IL1RAPL1: variants seen among roughly 807,000 people sequenced by gnomAD.
The protein encoded by IL1RAPL1 is interleukin-1 receptor accessory protein-like 1.
A neutral mutation model predicts 48.4 loss-of-function variants in IL1RAPL1; 3 were observed. That is an observed-to-expected ratio of 0.06 (90% CI 0.03 to 0.16). The LOEUF is 0.16. IL1RAPL1 is among the 10% of genes least tolerant of loss of function. The pLI is 1.00. For missense variants in IL1RAPL1, 349 were observed against 530.6 expected (o/e 0.66, Z 3.36); for synonymous variants, 185 against 187.7 (o/e 0.99, Z 0.12).
At chrX:29,782,041 A>C (rs749854990) in intron 6 of IL1RAPL1, among the ~76,000 whole-genome samples, 3 of 111,057 alleles carry the variant, frequency 2.7e-5, no homozygotes, top group South Asian at 3.8e-4. Flanking sequence ...AAAGAGCTGA[A>C]TGAAACATTT....
At chrX:29,808,571 T>C (rs1419273617) in intron 6 of IL1RAPL1, among the ~76,000 whole-genome samples, 4 of 111,767 alleles carry the variant, frequency 3.6e-5, no homozygotes, top group Non-Finnish European at 7.5e-5. Context: ...TCAAATCTTA[T>C]GTATGGTACT....
chrX:28,790,435 T>C (rs1473549337), intron 2 of IL1RAPL1, among the ~76,000 whole-genome samples: 1 of 112,752 alleles, frequency 8.9e-6, no homozygotes, highest in Non-Finnish European at 1.9e-5. Flanking sequence ...TTTGATGATA[T>C]AACGAAAAAG....
intron 2 of IL1RAPL1, among the ~76,000 whole-genome samples, chrX:29,149,358 G>T (rs1929415200): frequency 9.0e-6 from 1 of 110,858 alleles, no homozygotes; most frequent in African/African-American, 3.3e-5. Context: ...GATATAAAGT[G>T]GATAACATCA....
chrX:28,979,024 TTCTAACAACA>T (rs1025566105), intron 2 of IL1RAPL1, among the ~76,000 whole-genome samples: 1 of 111,690 alleles, frequency 9.0e-6, no homozygotes, highest in Non-Finnish European at 1.9e-5. Flanking sequence ...ATAACTGAGT[TTCTAACAACA>T]TCTATCGTAT....
intron 5 of IL1RAPL1, among the ~76,000 whole-genome samples, chrX:29,519,850 G>T (rs1378665494): frequency 9.0e-6 from 1 of 111,553 alleles, no homozygotes; most frequent in Non-Finnish European, 1.9e-5. Context: ...GAGGTCCCCA[G>T]CAGGGTTGAT....
At chrX:29,170,377 AAGAC>A (rs1382910627) in intron 2 of IL1RAPL1, among the ~76,000 whole-genome samples, 2 of 111,914 alleles carry the variant, frequency 1.8e-5, no homozygotes, top group Non-Finnish European at 3.8e-5. Flanking sequence ...ATTCATCAAA[AAGAC>A]AGAGAATGAA....
chrX:29,889,835 C>G (rs992710463), intron 6 of IL1RAPL1, among the ~76,000 whole-genome samples: 1 of 110,455 alleles, frequency 9.1e-6, no homozygotes, highest in African/African-American at 3.3e-5. Flanking sequence ...GAGCTCTTTA[C>G]TCTTCATCAT....
chrX:29,928,281 A>G (rs1365081964), intron 8 of IL1RAPL1, among the ~76,000 whole-genome samples: 1 of 111,997 alleles, frequency 8.9e-6, no homozygotes, highest in Non-Finnish European at 1.9e-5. Context: ...AGTTTAAAAC[A>G]TTTGCAGGAA....
intron 2 of IL1RAPL1, among the ~76,000 whole-genome samples, chrX:28,947,030 AAGC>A (rs1236716646): frequency 2.7e-5 from 3 of 111,697 alleles, no homozygotes; most frequent in African/African-American, 9.8e-5. Context: ...CAGGCCAAGG[AAGC>A]ATGAGTCAGA....
At chrX:28,938,454 T>A (rs1234252963) in intron 2 of IL1RAPL1, among the ~76,000 whole-genome samples, 1 of 76,023 alleles carries the variant, frequency 1.3e-5, no homozygotes, top group African/African-American at 6.3e-5. Context: ...GGTGCTGAGA[T>A]AACTGGCTAG....
chrX:29,097,282 G>A (rs996268059), intron 2 of IL1RAPL1, among the ~76,000 whole-genome samples: 1 of 111,906 alleles, frequency 8.9e-6, no homozygotes, highest in Non-Finnish European at 1.9e-5. Flanking sequence ...AAATTTTTGT[G>A]TTGTAGTTGC....
intron 6 of IL1RAPL1, among the ~76,000 whole-genome samples, chrX:29,848,758 T>C (rs952074344): frequency 9.0e-6 from 1 of 111,556 alleles, no homozygotes; most frequent in Non-Finnish European, 1.9e-5. Context: ...TATGTGCCTC[T>C]AGTTTCCATG....
intron 5 of IL1RAPL1, among the ~76,000 whole-genome samples, chrX:29,402,018 C>T (rs1055651336): frequency 2.7e-5 from 3 of 111,018 alleles, no homozygotes; most frequent in African/African-American, 9.8e-5. Flanking sequence ...CTCAGCCTCC[C>T]GAGTAGCTGG....
intron 3 of IL1RAPL1, among the ~76,000 whole-genome samples, chrX:29,334,859 C>G (rs1403374584): frequency 8.9e-6 from 1 of 112,922 alleles, no homozygotes; most frequent in African/African-American, 3.2e-5. Flanking sequence ...ACGCTCCTCA[C>G]TTCCCAGACG....
chrX:29,216,651 T>A (rs1455229176), intron 2 of IL1RAPL1, among the ~76,000 whole-genome samples: 2 of 111,615 alleles, frequency 1.8e-5, no homozygotes, highest in Non-Finnish European at 3.8e-5. Context: ...TAACACTTAT[T>A]TTCACTATAT....
At chrX:28,989,544 G>A (rs891389979) in intron 2 of IL1RAPL1, among the ~76,000 whole-genome samples, 3 of 112,158 alleles carry the variant, frequency 2.7e-5, no homozygotes, top group Non-Finnish European at 3.8e-5. Context: ...TAGAAAAGAC[G>A]TACACCTCTA....
chrX:28,756,265 C>T (rs762272706), intron 1 of IL1RAPL1, among the ~76,000 whole-genome samples: 1 of 111,236 alleles, frequency 9.0e-6, no homozygotes, highest in Non-Finnish European at 1.9e-5. Context: ...TTGAAGATGG[C>T]CCAACTATGC....
intron 6 of IL1RAPL1, among the ~76,000 whole-genome samples, chrX:29,712,924 C>A (rs1927389539): frequency 9.0e-6 from 1 of 111,579 alleles, no homozygotes; most frequent in African/African-American, 3.3e-5. Context: ...TATATGGGAC[C>A]AAATTAAGTT....
chrX:29,862,970 A>T (rs1164345104), intron 6 of IL1RAPL1, among the ~76,000 whole-genome samples: 14 of 68,877 alleles, frequency 2.0e-4, no homozygotes, highest in African/African-American at 7.6e-4. Context: ...TGGCATACTT[A>T]AAAAAAAAAA....
Sources: gnomAD v4.1 joint callset for allele counts (sites outside exome capture counted in the v4.1 genomes callset) on GRCh38, gnomAD v4.1.1 for gene constraint, MANE v1.5 for transcripts, NCBI Gene and HGNC (gene_info 2026-07-23, HGNC 2026-07-21) for gene names.